RTN4R: variants seen among roughly 807,000 people sequenced by gnomAD.
RTN4R encodes reticulon-4 receptor.
A neutral mutation model predicts 27.7 loss-of-function variants in RTN4R; 4 were observed. That is an observed-to-expected ratio of 0.14 (90% CI 0.07 to 0.33). The LOEUF is 0.33. Ranked by LOEUF, RTN4R falls within the 10% of genes least tolerant of loss-of-function variation. RTN4R has a pLI of 1.00. For missense variants in RTN4R, 554 were observed against 671.5 expected, an observed-to-expected ratio of 0.83 and a Z score of 1.93; for synonymous variants, 290 against 305.6, an observed-to-expected ratio of 0.95 and a Z score of 0.53.
chr22:20,256,356 A>G (rs2051212208), intron 1 of RTN4R, among the ~76,000 whole-genome samples: 1 of 152,184 alleles, frequency 6.6e-6, no homozygotes, highest in South Asian at 2.1e-4. Context: ...GTAAGCCCCA[A>G]AGACTGGGCA....
In RTN4R at chr22:20,242,116, A is replaced by C; in HGVS notation, c.1017T>G (p.Asp339Glu). ...PLGLPKCCQPDAADKASVLEP... is the reference protein window; with the variant it reads ...PLGLPKCCQPEAADKASVLEP... Reference sequence around the variant, plus strand: ...CCAGTACTGAGGCCTTGTCAGCGGCATCTGGCTGGCAGCACTTGGGAAGCC... The same window carrying C: ...CCAGTACTGAGGCCTTGTCAGCGGCCTCTGGCTGGCAGCACTTGGGAAGCC... The change falls in exon 2 of 2, where the codon GAT becomes GAG. Residue 339 changes from aspartate to glutamate, a missense_variant. By Grantham distance (45) the Asp-to-Glu change is conservative (BLOSUM62 2). This residue lies in a region of RTN4R where 413 missense variants were observed against 542.3 expected (regional missense o/e 0.76). Coordinates refer to ENST00000043402, the MANE Select transcript of RTN4R (RefSeq NM_023004.6). 1 of 1,612,104 alleles carries C rather than the reference A, an allele frequency of 6.2e-7. No individual in the cohort carries two copies. The highest frequency in any genetic ancestry group is 8.5e-7 in the Non-Finnish European group (1 of 1,179,398).
intron 1 of RTN4R, among the ~76,000 whole-genome samples, chr22:20,264,492 A>G (rs1202894044): frequency 6.6e-6 from 1 of 152,190 alleles, no homozygotes; most frequent in African/African-American, 2.4e-5. Flanking sequence ...ATTTAATCCT[A>G]GAGATGCCCG....
Position 20,268,072 on chromosome 22 carries a change from T to C in RTN4R, c.21A>G (p.Gly7=). The C allele has an allele frequency of 8.6e-7, 1 of 1,167,582 alleles. No homozygotes were observed. The highest frequency in any genetic ancestry group is 1.1e-6 in the Non-Finnish European group (1 of 945,456). The allele number at this position is 1,167,582 out of a possible 1,614,324, so 72.3% of individuals were successfully genotyped here. MKRASA[G]GSRLLAWVLW... The stretch of plus-strand genomic sequence containing the variant: ...CTCGGGTGCAGCGCGGACACTCACC[T>C]CCAGCGGACGCCCTCTTCATCGTAG... The change falls in exon 1 of 2, where the codon GGA becomes GGG. Residue 7 remains glycine, a splice_region_variant and synonymous_variant. Coordinates refer to ENST00000043402, the MANE Select transcript of RTN4R (RefSeq NM_023004.6).
intron 1 of RTN4R, among the ~76,000 whole-genome samples, chr22:20,264,588 G>T (rs1174894760): frequency 6.6e-6 from 1 of 152,232 alleles, no homozygotes; most frequent in African/African-American, 2.4e-5. Flanking sequence ...ATGAACAAAT[G>T]AGAAAGTGAA....
At chr22:20,252,586 T>C (rs2051190615) in intron 1 of RTN4R, among the ~76,000 whole-genome samples, 1 of 152,014 alleles carries the variant, frequency 6.6e-6, no homozygotes, top group Admixed American at 6.6e-5. Context: ...GACTCCAAGA[T>C]CTCTGCCCAC....
intron 1 of RTN4R, among the ~76,000 whole-genome samples, chr22:20,264,405 T>G (rs914150198): frequency 6.6e-6 from 1 of 152,120 alleles, no homozygotes; most frequent in Non-Finnish European, 1.5e-5. Flanking sequence ...GCAGGGAGAT[T>G]TGTGGGGTGG....
chr22:20,266,344 G>T (rs1465828292), intron 1 of RTN4R, among the ~76,000 whole-genome samples: 2 of 152,362 alleles, frequency 1.3e-5, no homozygotes, highest in African/African-American at 4.8e-5. Context: ...CCTTGCCACA[G>T]TGCTAGTGGG....
intron 1 of RTN4R, among the ~76,000 whole-genome samples, chr22:20,244,424 G>A (rs754567393): frequency 4.6e-5 from 7 of 152,210 alleles, no homozygotes; most frequent in African/African-American, 1.4e-4. Context: ...CGCAGTGACC[G>A]CTGGGCATGT....
At chr22:20,246,740 G>A (rs561326976) in intron 1 of RTN4R, among the ~76,000 whole-genome samples, 5 of 152,378 alleles carry the variant, frequency 3.3e-5, no homozygotes, top group South Asian at 2.1e-4. Context: ...TCTGCCCAGC[G>A]ATGCCAGGAG....
chr22:20,246,492 GA>G (rs2051141842), intron 1 of RTN4R, among the ~76,000 whole-genome samples: 1 of 151,640 alleles, frequency 6.6e-6, no homozygotes, highest in African/African-American at 2.4e-5. Flanking sequence ...GAGCAGAGGG[GA>G]GGGGTGGAGA....
chr22:20,255,618 C>T lies in RTN4R; in HGVS notation c.22+12453G>A, dbSNP rs898935259. On this transcript the variant is annotated intron_variant, in intron 1 of 1. Transcript: ENST00000043402. This position sits in a 1 kb window ranked among gnomAD's most constrained non-coding sequence, Gnocchi z 4.8. ...AGGCCAGGCAGCTGCTTCCCTGAAC[C>T]AGCCTCAGAGTTCCTGCCTGCCCAC... Among the ~76,000 whole-genome samples, 3 of 152,246 alleles carry T rather than the reference C, an allele frequency of 2.0e-5. No homozygotes were observed. Among genetic ancestry groups the T allele is most frequent in the Admixed American group, 6.5e-5 (1 of 15,294 alleles).
chr22:20,243,517 C>A (rs1255601480), intron 1 of RTN4R: 2 of 491,232 alleles, frequency 4.1e-6, no homozygotes, highest in South Asian at 3.1e-5. Flanking sequence ...GGGGTTCCAC[C>A]CACAGGGCCT....
In RTN4R at chr22:20,241,849, G is replaced by C. The variant is rs781041482; in HGVS notation, c.1284C>G (p.His428Gln). The C allele has an allele frequency of 6.8e-6, 11 of 1,608,784 alleles. No individual in the cohort carries two copies. The South Asian group carries it at 1.2e-4, about 18-fold the overall frequency. The change falls in exon 2 of 2, where the codon CAC becomes CAG. Residue 428 changes from histidine (H) to glutamine (Q), a missense_variant. His to Gln is a conservative substitution (Grantham distance 24, BLOSUM62 0). Around this residue, in one of 2 missense-constraint regions of RTN4R, gnomAD observed 141 missense variants for 129.2 expected, o/e 1.09. Coordinates refer to ENST00000043402, the MANE Select transcript of RTN4R (RefSeq NM_023004.6). The stretch of plus-strand genomic sequence containing the variant: ...CGCTGCCTGCCTGGCCCAGACGGCA[G>C]TGGCTGCGGGTGCGGTTCTTGCGTG... ...GCSRKNRTRS[H>Q]CRLGQAGSGG... is the part of the protein sequence containing the mutation.
At chr22:20,256,682 G>A (rs1343930252) in intron 1 of RTN4R, among the ~76,000 whole-genome samples, 4 of 152,192 alleles carry the variant, frequency 2.6e-5, no homozygotes, top group Non-Finnish European at 4.4e-5. Context: ...GGCCAGGCCT[G>A]CAGGAAGCCA....
At chr22:20,256,506 C>G (rs927866366) in intron 1 of RTN4R, among the ~76,000 whole-genome samples, 2 of 152,242 alleles carry the variant, frequency 1.3e-5, no homozygotes, top group African/African-American at 4.8e-5. Flanking sequence ...TTACAACAGC[C>G]CTGGCCCCAT....
chr22:20,241,786 G>A lies in RTN4R; in HGVS notation c.1347C>T (p.Ala449=), dbSNP rs1404094253. ...GGTGDSEGSG[A]LPSLTCSLTP... ...TGAGGCTGCAGGTGAGGCTGGGTAG[G>A]GCACCTGAGCCTTCTGAGTCACCAG... Residue 449 remains alanine (A), a synonymous_variant, in exon 2 of 2, where the codon GCC becomes GCT. Transcript: ENST00000043402. 5 of 1,560,690 alleles carry A rather than the reference G, an allele frequency of 3.2e-6. No individual in the cohort carries two copies. In the African/African-American group the frequency reaches 5.4e-5, roughly 17 times the overall value.
chr22:20,259,198 G>C (rs541302443), intron 1 of RTN4R, among the ~76,000 whole-genome samples: 1 of 152,202 alleles, frequency 6.6e-6, no homozygotes, highest in East Asian at 1.9e-4. Context: ...CCAGGGGACC[G>C]GCCTCCGCTC....
At chr22:20,263,808 G>A (rs549495851) in intron 1 of RTN4R, among the ~76,000 whole-genome samples, 3 of 152,384 alleles carry the variant, frequency 2.0e-5, no homozygotes, top group African/African-American at 4.8e-5. Context: ...TGCCTCCATC[G>A]GACAGGACAC....
At position 20,242,849 on chromosome 22, in the gene RTN4R, C is replaced by T. The variant is rs755446506; in HGVS notation, c.284G>A (p.Arg95Gln). The part of the protein sequence containing the change: ...ILWLHSNVLA[R>Q]IDAAAFTGLA... ...GCCAGTGAAGGCAGCCGCATCAATTCGGGCCAGCACATTCGAGTGCAGCCA... is the reference window on the plus strand; with the variant it reads ...GCCAGTGAAGGCAGCCGCATCAATTTGGGCCAGCACATTCGAGTGCAGCCA... The change falls in exon 2 of 2, where the codon CGA (arginine) becomes CAA (glutamine). Residue 95 changes from arginine (R) to glutamine (Q), a missense_variant. Around this residue, in one of 2 missense-constraint regions of RTN4R, gnomAD observed 413 missense variants for 542.3 expected, o/e 0.76. Coordinates refer to ENST00000043402, the MANE Select transcript of RTN4R (RefSeq NM_023004.6). 20 of 1,612,860 alleles carry T rather than the reference C, an allele frequency of 1.2e-5. No individual in the cohort carries two copies. The East Asian group carries it at 1.6e-4, about 13-fold the overall frequency.
Sources: gnomAD v4.1 joint callset for allele counts (sites outside exome capture counted in the v4.1 genomes callset) on GRCh38, gnomAD v4.1.1 for gene constraint, gnomAD v4.1.1 regional missense constraint, Gnocchi (gnomAD v3.1) non-coding constraint, MANE v1.5 for transcripts, NCBI Gene and HGNC (gene_info 2026-07-23, HGNC 2026-07-21) for gene names.